Variants in SLC24A2 observed in about 807,000 individuals in gnomAD.
SLC24A2 encodes the protein sodium/potassium/calcium exchanger 2.
In SLC24A2, 36 loss-of-function variants were observed where a neutral mutation model predicts 62.0. The ratio of observed to expected loss-of-function variants is 0.58; its 90% CI spans 0.44 to 0.77. The LOEUF (loss-of-function observed/expected upper bound fraction) is 0.77. Ranked by LOEUF, SLC24A2 falls within the 30% of genes least tolerant of loss-of-function variation. The pLI is 0.00. For missense variants in SLC24A2, 846 were observed against 817.9 expected (o/e 1.03, Z -0.42); for synonymous variants, 358 against 294.0 (o/e 1.22, Z -2.23).
intron 2 of SLC24A2, among the ~76,000 whole-genome samples, chr9:19,773,071 A>G (rs896649678): frequency 9.9e-5 from 15 of 152,226 alleles, no homozygotes; most frequent in Non-Finnish European, 5.9e-5. Flanking sequence ...AAAAAGCCAC[A>G]TATTATATAA....
chr9:19,708,262 A>C (rs1312918677), intron 2 of SLC24A2, among the ~76,000 whole-genome samples: 1 of 152,182 alleles, frequency 6.6e-6, no homozygotes, highest in Non-Finnish European at 1.5e-5. Flanking sequence ...AAGAGGATAC[A>C]AACAAATGGA....
chr9:20,049,368 T>C, the SLC24A2 span, among the ~76,000 whole-genome samples: 1 of 152,192 alleles, frequency 6.6e-6, no homozygotes, highest in African/African-American at 2.4e-5. Context: ...CAATGAACTT[T>C]TTTTTTCTTG....
chr9:19,676,284 G>C (rs1819557971), intron 2 of SLC24A2, among the ~76,000 whole-genome samples: 1 of 152,170 alleles, frequency 6.6e-6, no homozygotes, highest in South Asian at 2.1e-4. Flanking sequence ...AGATTCTCTT[G>C]GCTTTCCTGG....
the SLC24A2 span, among the ~76,000 whole-genome samples, chr9:20,021,378 T>G: frequency 6.6e-6 from 1 of 151,918 alleles, no homozygotes; most frequent in Non-Finnish European, 1.5e-5. Flanking sequence ...TATACACACA[T>G]ACATGTATAT....
intron 2 of SLC24A2, among the ~76,000 whole-genome samples, chr9:19,721,020 G>A (rs755976550): frequency 6.6e-6 from 1 of 152,060 alleles, no homozygotes; most frequent in Non-Finnish European, 1.5e-5. Flanking sequence ...TGTGGAGTGT[G>A]TACAGGAATA....
chr9:19,968,717 G>A, the SLC24A2 span, among the ~76,000 whole-genome samples: 4 of 152,240 alleles, frequency 2.6e-5, no homozygotes, highest in South Asian at 8.3e-4. Flanking sequence ...CATTTACAGA[G>A]GTCCTTGGCC....
chr9:19,908,652 C>T, the SLC24A2 span, among the ~76,000 whole-genome samples: 1 of 151,866 alleles, frequency 6.6e-6, no homozygotes, highest in African/African-American at 2.4e-5. Flanking sequence ...AAAAACAACC[C>T]CATCAAAAAG....
chr9:20,180,450 C>T, the SLC24A2 span, among the ~76,000 whole-genome samples: 1 of 152,106 alleles, frequency 6.6e-6, no homozygotes, highest in Non-Finnish European at 1.5e-5. Context: ...TTTAATTTTT[C>T]AAGTACTTAT....
At chr9:20,095,607 T>A in the SLC24A2 span, among the ~76,000 whole-genome samples, 1 of 152,178 alleles carries the variant, frequency 6.6e-6, no homozygotes, top group Non-Finnish European at 1.5e-5. Context: ...TCTTCTTGGT[T>A]GAACAGCTCA....
At chr9:19,989,363 C>T in the SLC24A2 span, among the ~76,000 whole-genome samples, 2 of 152,096 alleles carry the variant, frequency 1.3e-5, no homozygotes, top group South Asian at 2.1e-4. Context: ...TCGCTCTTAA[C>T]ATAAAAAATA....
chr9:19,734,374 T>A (rs190271171), intron 2 of SLC24A2, among the ~76,000 whole-genome samples: 1 of 152,324 alleles, frequency 6.6e-6, no homozygotes, highest in African/African-American at 2.4e-5. Context: ...TGCGGGCTCT[T>A]TTTTGGTTCC....
chr9:19,758,851 G>C (rs951425318), intron 2 of SLC24A2, among the ~76,000 whole-genome samples: 2 of 152,136 alleles, frequency 1.3e-5, no homozygotes, highest in Admixed American at 6.6e-5. Context: ...TAATCAGAAA[G>C]TTGGAGCTAG....
intron 8 of SLC24A2, among the ~76,000 whole-genome samples, chr9:19,546,424 G>T (rs1476858581): frequency 1.3e-5 from 2 of 152,114 alleles, no homozygotes; most frequent in Non-Finnish European, 2.9e-5. Flanking sequence ...GGCCACAGAG[G>T]CCTTGCTGAG....
At chr9:19,551,629 T>G (rs1834850398) in intron 7 of SLC24A2, among the ~76,000 whole-genome samples, 1 of 152,160 alleles carries the variant, frequency 6.6e-6, no homozygotes, top group African/African-American at 2.4e-5. Context: ...CTCCTACCCC[T>G]GGGGCTCTTG....
the SLC24A2 span, among the ~76,000 whole-genome samples, chr9:20,288,579 G>T: frequency 6.6e-6 from 1 of 152,020 alleles, no homozygotes; most frequent in African/African-American, 2.4e-5. Context: ...GACCAGCCTG[G>T]CCAATATGGC....
the SLC24A2 span, among the ~76,000 whole-genome samples, chr9:19,975,079 G>A: frequency 2.0e-5 from 3 of 152,166 alleles, no homozygotes; most frequent in South Asian, 4.2e-4. Context: ...CCTAAGGGAG[G>A]GTAATGGAAT....
intron 4 of SLC24A2, among the ~76,000 whole-genome samples, chr9:19,619,071 G>T (rs144034368): frequency 5.3e-5 from 8 of 152,202 alleles, no homozygotes; most frequent in African/African-American, 1.7e-4. Flanking sequence ...GGGCTTTTTA[G>T]ATGCATAGAT....
chr9:20,229,913 G>C, the SLC24A2 span, among the ~76,000 whole-genome samples: 1 of 138,758 alleles, frequency 7.2e-6, no homozygotes, highest in African/African-American at 2.8e-5. Flanking sequence ...TCCCTGGTGT[G>C]TGATGTTCCC....
At chr9:20,074,918 T>C in the SLC24A2 span, among the ~76,000 whole-genome samples, 1 of 152,196 alleles carries the variant, frequency 6.6e-6, no homozygotes, top group Non-Finnish European at 1.5e-5. Context: ...ACAGGGGCTA[T>C]GGCTTGTAGT....
Sources: gnomAD v4.1 joint callset for allele counts (sites outside exome capture counted in the v4.1 genomes callset) on GRCh38, gnomAD v4.1.1 for gene constraint, MANE v1.5 for transcripts, NCBI Gene and HGNC (gene_info 2026-07-23, HGNC 2026-07-21) for gene names.